DLGAP2: variants seen among roughly 807,000 people sequenced by gnomAD.
The protein encoded by DLGAP2 is disks large-associated protein 2.
Under a neutral mutation model 100.3 loss-of-function variants are expected in DLGAP2, and 26 were observed. The ratio of observed to expected loss-of-function variants is 0.26; its 90% confidence interval spans 0.19 to 0.36. The LOEUF (loss-of-function observed/expected upper bound fraction) is 0.36, where lower values mean the gene tolerates loss of function less well. DLGAP2 is among the 10% of genes least tolerant of loss of function. The pLI is 1.00. For missense variants in DLGAP2, 1,858 were observed against 1,453.2 expected (o/e 1.28, Z -4.53); for synonymous variants, 886 against 630.1 (o/e 1.41, Z -6.08).
chr8:1,267,585 A>AAATAAAATAAAATAAAATAAAATAAAAT (rs1563051927), intron 3 of DLGAP2, among the ~76,000 whole-genome samples: 1 of 47,354 alleles, frequency 2.1e-5, no homozygotes, highest in African/African-American at 8.8e-5. Flanking sequence ...AAATAAAATA[A>AAATAAAATAAAATAAAATAAAATAAAAT]AATAAGATAA....
At chr8:1,638,263 C>T (rs2130788949) in intron 8 of DLGAP2, among the ~76,000 whole-genome samples, 1 of 152,154 alleles carries the variant, frequency 6.6e-6, no homozygotes. Context: ...GAAGAGGTGA[C>T]CAGGTAGAAT....
chr8:1,530,888 A>T (rs927741998), intron 4 of DLGAP2, among the ~76,000 whole-genome samples: 2 of 152,192 alleles, frequency 1.3e-5, no homozygotes, highest in African/African-American at 4.8e-5. Context: ...ACTGTTTCCT[A>T]TGTGTGAATA....
chr8:1,173,671 G>A (rs1366038040), intron 2 of DLGAP2, among the ~76,000 whole-genome samples: 1 of 152,198 alleles, frequency 6.6e-6, no homozygotes, highest in Non-Finnish European at 1.5e-5. Flanking sequence ...TATGGGCGTA[G>A]GACCCTCTGA....
chr8:1,137,398 C>A (rs537007599), intron 2 of DLGAP2: 2 of 152,608 alleles, frequency 1.3e-5, no homozygotes, highest in African/African-American at 4.8e-5. Context: ...CAGAAGCTGC[C>A]CCGAGCTGAT....
intron 1 of DLGAP2, among the ~76,000 whole-genome samples, chr8:779,523 G>A (rs1303554455): frequency 6.6e-6 from 1 of 150,682 alleles, no homozygotes; most frequent in Non-Finnish European, 1.5e-5. Flanking sequence ...GAGTGCAGTG[G>A]TGCCATCATA....
chr8:1,104,311 G>C (rs1804683215), intron 2 of DLGAP2, among the ~76,000 whole-genome samples: 2 of 152,106 alleles, frequency 1.3e-5, no homozygotes, highest in Admixed American at 1.3e-4. Context: ...CCAGCCGCAG[G>C]ATCAGCACAG....
intron 3 of DLGAP2, among the ~76,000 whole-genome samples, chr8:1,287,131 C>CATGT (rs1393792498): frequency 7.3e-6 from 1 of 136,908 alleles, no homozygotes; most frequent in Non-Finnish European, 1.5e-5. Flanking sequence ...TTCGGTTCAG[C>CATGT]GTGTGTGTGT....
At chr8:1,271,105 T>C (rs1042335249) in intron 3 of DLGAP2, among the ~76,000 whole-genome samples, 1 of 152,200 alleles carries the variant, frequency 6.6e-6, no homozygotes, top group Non-Finnish European at 1.5e-5. Flanking sequence ...TTTGGCAAAC[T>C]AACCATTACC....
intron 8 of DLGAP2, among the ~76,000 whole-genome samples, chr8:1,658,163 C>T (rs1048157061): frequency 2.6e-5 from 4 of 152,166 alleles, no homozygotes; most frequent in Admixed American, 1.3e-4. Context: ...GAGGGCTCCA[C>T]CCTCCACCTG....
intron 3 of DLGAP2, among the ~76,000 whole-genome samples, chr8:1,338,276 G>C (rs1309519091): frequency 6.6e-6 from 1 of 152,240 alleles, no homozygotes; most frequent in African/African-American, 2.4e-5. Flanking sequence ...GGAAACAGCA[G>C]ATGTTCCCCA....
At chr8:910,967 C>G (rs1798472997) in intron 2 of DLGAP2, among the ~76,000 whole-genome samples, 1 of 152,152 alleles carries the variant, frequency 6.6e-6, no homozygotes, top group Non-Finnish European at 1.5e-5. Context: ...TCTGGTGGAA[C>G]TCAAGGCATC....
At position 1,643,393 on chromosome 8, in the gene DLGAP2, C is replaced by G. The variant is rs1206276348; in HGVS notation, c.1810+10347C>G. ...CGCCGGCCCTCACCTGTGTCACCCT[C>G]GACCCCGCCGGCCCTCACCTGTGTC... is the stretch of plus-strand genomic sequence containing the variant. On this transcript the variant is annotated intron_variant, in intron 8 of 14. Transcript: ENST00000637795. 2.7e-4 allele frequency among the ~76,000 whole-genome samples: 5 copies of G among 18,748 alleles called. No homozygotes were observed. In the African/African-American group the frequency reaches 3.5e-3, roughly 13 times the overall value. The allele number at this position is 18,748 out of a possible 152,430, so 12.3% of individuals were successfully genotyped here.
chr8:1,616,051 G>A (rs1478016182), intron 6 of DLGAP2, among the ~76,000 whole-genome samples: 1 of 152,180 alleles, frequency 6.6e-6, no homozygotes, highest in African/African-American at 2.4e-5. Context: ...ATGGAGAAAT[G>A]AAATCCATGA....
At chr8:1,622,157 T>C (rs1229734319) in intron 6 of DLGAP2, 4 of 152,244 alleles carry the variant, frequency 2.6e-5, no homozygotes, top group Non-Finnish European at 2.9e-5. Flanking sequence ...GAATGTCTGT[T>C]TCACTAGCAC....
intron 2 of DLGAP2, among the ~76,000 whole-genome samples, chr8:1,162,826 G>A (rs1417263039): frequency 6.6e-6 from 1 of 152,198 alleles, no homozygotes. Flanking sequence ...ATCTCGGGAG[G>A]TCCCCTGGGT....
At chr8:1,578,405 C>T (rs1267438276) in intron 6 of DLGAP2, among the ~76,000 whole-genome samples, 5 of 152,198 alleles carry the variant, frequency 3.3e-5, no homozygotes, top group African/African-American at 2.4e-5. Context: ...AGGCTCTGGG[C>T]ACCTGCGTTG....
At chr8:1,577,697 G>C (rs1027314186) in intron 6 of DLGAP2, among the ~76,000 whole-genome samples, 23 of 152,294 alleles carry the variant, frequency 1.5e-4, no homozygotes, top group Admixed American at 1.1e-3. Context: ...CCCTGCAGCA[G>C]GGACAGGTGT....
chr8:868,476 G>A (rs1348517535), intron 1 of DLGAP2, among the ~76,000 whole-genome samples: 7 of 152,198 alleles, frequency 4.6e-5, no homozygotes, highest in African/African-American at 9.7e-5. Flanking sequence ...GTTGGCGCAC[G>A]GTGAGCCGTG....
chr8:1,122,801 T>A (rs970955163), intron 2 of DLGAP2, among the ~76,000 whole-genome samples: 5 of 152,102 alleles, frequency 3.3e-5, no homozygotes, highest in African/African-American at 1.2e-4. Flanking sequence ...TTAAGTTTGA[T>A]TCAGTCTTGA....
Sources: allele counts gnomAD v4.1 joint callset (sites outside exome capture counted in the v4.1 genomes callset), GRCh38; gene constraint gnomAD v4.1.1; transcripts MANE v1.5; gene names NCBI Gene and HGNC (gene_info 2026-07-23, HGNC 2026-07-21).